The following NKAIN3 variants were observed in gnomAD, a reference collection of about 807,000 sequenced individuals.
The protein encoded by NKAIN3 is sodium/potassium transporting ATPase interacting 3.
Under a neutral mutation model 30.2 loss-of-function variants are expected in NKAIN3, and 25 were observed. The observed-to-expected ratio is 0.83, with a 90% CI of 0.60 to 1.16. The LOEUF is 1.16. NKAIN3 is among the 50% of genes most tolerant of loss of function. The probability of loss-of-function intolerance (pLI) is 0.00; values close to 1 mark genes in which losing one functional copy is unlikely to be tolerated. For synonymous variants in NKAIN3, 91 were observed against 89.6 expected (o/e 1.02, Z -0.09); for missense variants, 225 against 254.1 (o/e 0.89, Z 0.78).
At chr8:62,903,769 A>C (rs4509316) in intron 4 of NKAIN3, among the ~76,000 whole-genome samples, 117,979 of 152,072 alleles carry the variant, frequency 0.78, 46,663 homozygotes, top group East Asian at 0.98. Flanking sequence ...GTTGGGGCAG[A>C]CTCAGGAAAC....
chr8:62,449,540 A>G (rs1339485269), intron 1 of NKAIN3, among the ~76,000 whole-genome samples: 1 of 152,096 alleles, frequency 6.6e-6, no homozygotes, highest in African/African-American at 2.4e-5. Flanking sequence ...ATTGAGTTCT[A>G]TCATAAAACA....
At position 62,325,333 on chromosome 8, in the gene NKAIN3, G is replaced by A. The variant is rs115825498; in HGVS notation, c.54+76206G>A. 9.0e-3 allele frequency among the ~76,000 whole-genome samples: 1,369 copies of A among 152,134 alleles called. 30 individuals are homozygous for A. The highest frequency in any genetic ancestry group is 0.031 in the African/African-American group (1,293 of 41,542). On this transcript the variant is annotated intron_variant, in intron 1 of 6. Transcript: ENST00000623646. The stretch of plus-strand genomic sequence containing the variant: ...ATTTCATTCCTTTTTATAGCTGAGT[G>A]GTATTCCATGGTGTATATGTATCAC...
intron 1 of NKAIN3, among the ~76,000 whole-genome samples, chr8:62,356,748 T>C (rs370146042): frequency 3.2e-4 from 49 of 152,254 alleles, no homozygotes; most frequent in African/African-American, 1.2e-3. Flanking sequence ...CTTCCAGTGG[T>C]TGACATTTGC....
intron 3 of NKAIN3, among the ~76,000 whole-genome samples, chr8:62,647,252 A>T (rs1043065431): frequency 6.6e-5 from 10 of 152,206 alleles, no homozygotes; most frequent in African/African-American, 2.4e-4. Context: ...AAATGCATAG[A>T]GCAGTTGTCT....
At chr8:62,564,862 T>C (rs1485399760) in intron 1 of NKAIN3, among the ~76,000 whole-genome samples, 1 of 152,156 alleles carries the variant, frequency 6.6e-6, no homozygotes, top group Non-Finnish European at 1.5e-5. Flanking sequence ...TTGGCTAAAA[T>C]ATTTAGAAAA....
intron 4 of NKAIN3, among the ~76,000 whole-genome samples, chr8:62,766,110 G>T (rs1405909716): frequency 1.3e-5 from 2 of 152,038 alleles, no homozygotes; most frequent in African/African-American, 4.8e-5. Context: ...CAATATAACA[G>T]ATATAAAACA....
chr8:62,484,330 C>T (rs562125733), intron 1 of NKAIN3, among the ~76,000 whole-genome samples: 1 of 152,364 alleles, frequency 6.6e-6, no homozygotes, highest in South Asian at 2.1e-4. Flanking sequence ...CACCATGCCA[C>T]TCATCCACTA....
At chr8:62,642,031 C>G (rs1214431450) in intron 3 of NKAIN3, among the ~76,000 whole-genome samples, 1 of 151,902 alleles carries the variant, frequency 6.6e-6, no homozygotes, top group African/African-American at 2.4e-5. Flanking sequence ...ATGGATGAAA[C>G]AAATCAGACC....
At chr8:62,298,859 A>G (rs1234303568) in intron 1 of NKAIN3, among the ~76,000 whole-genome samples, 1 of 149,196 alleles carries the variant, frequency 6.7e-6, no homozygotes, top group Non-Finnish European at 1.5e-5. Context: ...ATTAAGTATG[A>G]ATCAATAATA....
chr8:62,249,907 C>T (rs1417498606), intron 1 of NKAIN3, among the ~76,000 whole-genome samples: 2 of 152,090 alleles, frequency 1.3e-5, no homozygotes, highest in African/African-American at 2.4e-5. Flanking sequence ...CCTCTTAATC[C>T]CTTTGGATCC....
In NKAIN3 at chr8:62,977,196, G is replaced by A. The variant is rs1445458405; in HGVS notation, c.*11789G>A. The stretch of plus-strand genomic sequence containing the variant: ...TCTTCTCAAAGAGTATCTTTGTGGT[G>A]TTCTCTGTATTTCCTGAATTTGTAT... On this transcript the variant is annotated 3_prime_UTR_variant, in exon 7 of 7. Coordinates refer to ENST00000623646, the MANE Select transcript of NKAIN3 (RefSeq NM_001304533.3). Among the ~76,000 whole-genome samples the A allele has an allele frequency of 6.6e-6, 1 of 152,120 alleles. No homozygotes were observed. The highest frequency in any genetic ancestry group is 2.4e-5 in the African/African-American group (1 of 41,430).
chr8:62,398,571 C>T (rs1429312418), intron 1 of NKAIN3, among the ~76,000 whole-genome samples: 2 of 152,110 alleles, frequency 1.3e-5, no homozygotes, highest in Admixed American at 6.5e-5. Flanking sequence ...TTAAAAGTTT[C>T]CAAGTGAGAA....
intron 4 of NKAIN3, among the ~76,000 whole-genome samples, chr8:62,806,481 A>G (rs943142551): frequency 6.6e-6 from 1 of 152,232 alleles, no homozygotes; most frequent in Non-Finnish European, 1.5e-5. Flanking sequence ...GCCATAAAAA[A>G]TGATGAGTTC....
At chr8:62,634,924 G>C (rs1466925604) in intron 3 of NKAIN3, among the ~76,000 whole-genome samples, 1 of 152,076 alleles carries the variant, frequency 6.6e-6, no homozygotes, top group Non-Finnish European at 1.5e-5. Context: ...AAGACAGAAA[G>C]AAAACTTAGG....
At chr8:62,492,177 C>T (rs1437720781) in intron 1 of NKAIN3, among the ~76,000 whole-genome samples, 2 of 151,958 alleles carry the variant, frequency 1.3e-5, no homozygotes, top group Non-Finnish European at 2.9e-5. Context: ...GAAGAAAGAG[C>T]CGGGTCAGGG....
intron 4 of NKAIN3, among the ~76,000 whole-genome samples, chr8:62,770,430 T>C (rs369574677): frequency 4.6e-5 from 7 of 152,300 alleles, no homozygotes; most frequent in African/African-American, 1.7e-4. Context: ...TTCTAGATGC[T>C]AGGAAATCTA....
At chr8:62,382,534 T>TA (rs1320691241) in intron 1 of NKAIN3, among the ~76,000 whole-genome samples, 1 of 152,178 alleles carries the variant, frequency 6.6e-6, no homozygotes, top group Non-Finnish European at 1.5e-5. Flanking sequence ...TTCTATATTA[T>TA]ACCAACATTT....
chr8:62,956,274 A>G (rs1823416672), intron 6 of NKAIN3, among the ~76,000 whole-genome samples: 1 of 152,216 alleles, frequency 6.6e-6, no homozygotes, highest in Non-Finnish European at 1.5e-5. Context: ...AGGGGAATGA[A>G]TGCTGGCTTT....
intron 2 of NKAIN3, among the ~76,000 whole-genome samples, chr8:62,588,179 C>A (rs756974858): frequency 6.6e-6 from 1 of 151,688 alleles, no homozygotes; most frequent in Non-Finnish European, 1.5e-5. Context: ...TGGAAGATAT[C>A]AAACACTAGA....
Sources: gnomAD v4.1 joint callset for allele counts (sites outside exome capture counted in the v4.1 genomes callset) on GRCh38, gnomAD v4.1.1 for gene constraint, MANE v1.5 for transcripts, NCBI Gene and HGNC (gene_info 2026-07-23, HGNC 2026-07-21) for gene names.